The following ATP6V0A1 variants were observed in gnomAD, a reference collection of about 807,000 sequenced individuals.
The protein encoded by ATP6V0A1 is V-type proton ATPase 116 kDa subunit a 1.
Under a neutral mutation model 105.4 loss-of-function variants are expected in ATP6V0A1, and 43 were observed. The observed-to-expected ratio is 0.41, with a 90% CI of 0.32 to 0.53. The LOEUF is 0.53. Ranked by LOEUF, ATP6V0A1 falls within the 20% of genes least tolerant of loss-of-function variation. The probability of loss-of-function intolerance (pLI) is 0.30; values close to 1 mark genes in which losing one functional copy is unlikely to be tolerated. For missense variants in ATP6V0A1, 676 were observed against 1,051.1 expected (o/e 0.64, Z 4.93); for synonymous variants, 362 against 372.8 (o/e 0.97, Z 0.33).
intron 19 of ATP6V0A1, chr17:42,513,543 G>T: frequency 3.7e-6 from 1 of 269,308 alleles, no homozygotes; most frequent in Non-Finnish European, 7.2e-6. Flanking sequence ...TGAGCACAGA[G>T]CCCCAGAGGG....
chr17:42,518,187 G>T (rs2092704189), intron 21 of ATP6V0A1: 1 of 152,234 alleles, frequency 6.6e-6, no homozygotes, highest in Non-Finnish European at 1.5e-5. Flanking sequence ...TTGCCCCAGG[G>T]CATACCTTCC....
chr17:42,514,509 C>A, intron 21 of ATP6V0A1, 49 bp downstream of exon 21: 1 of 1,502,026 alleles, frequency 6.7e-7, no homozygotes, highest in Non-Finnish European at 8.9e-7. Flanking sequence ...GTGTCCTTAG[C>A]TGCGGTGAGA....
intron 10 of ATP6V0A1, among the ~76,000 whole-genome samples, chr17:42,488,919 G>A (rs2090364913): frequency 2.0e-5 from 3 of 150,338 alleles, no homozygotes; most frequent in Middle Eastern, 3.4e-3. Context: ...GGAGGCTGAG[G>A]CAGGAGAACC....
intron 8 of ATP6V0A1, chr17:42,481,109 G>C (rs2089446829): frequency 6.2e-6 from 1 of 161,976 alleles, no homozygotes; most frequent in Non-Finnish European, 1.3e-5. Context: ...TCTTTGTAGA[G>C]ACGGGGTTTT....
At chr17:42,497,689 A>G (rs1232184168) in intron 14 of ATP6V0A1, among the ~76,000 whole-genome samples, 3 of 151,298 alleles carry the variant, frequency 2.0e-5, no homozygotes, top group East Asian at 1.9e-4. Flanking sequence ...AAAAAAAAAA[A>G]AGAAATCATT....
At chr17:42,484,710 T>C (rs1012395453) in intron 9 of ATP6V0A1, among the ~76,000 whole-genome samples, 8 of 152,160 alleles carry the variant, frequency 5.3e-5, no homozygotes, top group African/African-American at 1.9e-4. Flanking sequence ...TTGTTCCCTT[T>C]GAAAGAATGA....
chr17:42,495,680 A>G lies in ATP6V0A1; in HGVS notation c.1524A>G (p.Gly508=). The change falls in exon 14 of 22, where the codon GGA becomes GGG. Residue 508 remains glycine, a synonymous_variant. Transcript: ENST00000343619. ...TACAGCTGAACCCAGCCCTCCCTGG[A>G]GTGTTTGGTGGACCATACCCTTTTG... ...PVLQLNPALP[G]VFGGPYPFGI... 2 of 1,614,058 alleles carry G rather than the reference A, an allele frequency of 1.2e-6. No individual in the cohort carries two copies. Among genetic ancestry groups the G allele is most frequent in the Admixed American group, 3.3e-5 (2 of 60,010 alleles).
chr17:42,478,713 T>A, intron 7 of ATP6V0A1, 124 bp downstream of exon 7: 1 of 1,084,404 alleles, frequency 9.2e-7, no homozygotes, highest in African/African-American at 1.6e-5. Flanking sequence ...ATCTCTGCTC[T>A]AATTGGAGAA....
intron 11 of ATP6V0A1, among the ~76,000 whole-genome samples, chr17:42,492,647 C>T (rs1448692253): frequency 6.8e-6 from 1 of 146,086 alleles, no homozygotes; most frequent in African/African-American, 2.6e-5. Context: ...CGGAGGTTGC[C>T]GTGAGCCGAT....
At chr17:42,467,208 A>G (rs1470926579) in intron 3 of ATP6V0A1, among the ~76,000 whole-genome samples, 2 of 152,202 alleles carry the variant, frequency 1.3e-5, no homozygotes, top group African/African-American at 4.8e-5. Context: ...TAGGTTGCTC[A>G]TATACATTAC....
At chr17:42,480,908 C>T (rs570241386) in intron 8 of ATP6V0A1, 159 bp downstream of exon 8, 1 of 594,780 alleles carries the variant, frequency 1.7e-6, no homozygotes, top group African/African-American at 1.9e-5. Flanking sequence ...AAATAGCCTG[C>T]ATTCATTTTT....
chr17:42,507,710 C>A (rs1166950102), intron 18 of ATP6V0A1, 83 bp downstream of exon 18: 1 of 1,116,518 alleles, frequency 9.0e-7, no homozygotes, highest in South Asian at 1.2e-5. Flanking sequence ...TCACTCCAGT[C>A]TTCTCCTTGA....
chr17:42,462,837 T>C lies in ATP6V0A1; in HGVS notation c.117+1826T>C, dbSNP rs112596025. 5.3e-3 allele frequency among the ~76,000 whole-genome samples: 801 copies of C among 152,058 alleles called. 9 individuals are homozygous for C. The highest frequency in any genetic ancestry group is 0.018 in the African/African-American group (742 of 41,494). ...CATGTTACCCAGGTTGGTCTTGAAC[T>C]CCTGGACTCAAGCGGTTCTCCTGCC... On this transcript the variant is annotated intron_variant, in intron 2 of 21. Transcript: ENST00000343619.
intron 11 of ATP6V0A1, among the ~76,000 whole-genome samples, chr17:42,493,942 T>C (rs1228584209): frequency 6.6e-6 from 1 of 152,100 alleles, no homozygotes; most frequent in Non-Finnish European, 1.5e-5. Flanking sequence ...TCACCTTATA[T>C]TGATCTTAAG....
At chr17:42,505,674 T>C (rs2091975238) in intron 17 of ATP6V0A1, among the ~76,000 whole-genome samples, 1 of 152,218 alleles carries the variant, frequency 6.6e-6, no homozygotes, top group South Asian at 2.1e-4. Context: ...TAGCATTCCA[T>C]AGAATATTCC....
intron 11 of ATP6V0A1, among the ~76,000 whole-genome samples, chr17:42,494,021 AT>A (rs1277959989): frequency 9.2e-5 from 14 of 152,176 alleles, no homozygotes; most frequent in Non-Finnish European, 2.1e-4. Flanking sequence ...AGGCAGGTGG[AT>A]CACTTGAGGT....
intron 5 of ATP6V0A1, among the ~76,000 whole-genome samples, chr17:42,473,992 GTTT>G (rs2088357238): frequency 6.6e-6 from 1 of 150,848 alleles, no homozygotes. Context: ...TGCTGGGGTT[GTTT>G]TCCCTCTCCT....
intron 14 of ATP6V0A1, among the ~76,000 whole-genome samples, chr17:42,498,097 A>G (rs999813610): frequency 6.6e-6 from 1 of 152,118 alleles, no homozygotes; most frequent in Non-Finnish European, 1.5e-5. Context: ...CTAAAAATAC[A>G]AAATTAGCTG....
In ATP6V0A1 at chr17:42,490,433, C is replaced by T. The variant is rs2090517550; in HGVS notation, c.1024-54C>T. The stretch of plus-strand genomic sequence containing the variant: ...CAAGAAATGTACACCTGTGTAACCA[C>T]TACCACAATTAGGAGGATAACCTAA... On this transcript the variant is annotated intron_variant, in intron 10 of 21. Transcript: ENST00000343619. 6.6e-6 allele frequency: 10 copies of T among 1,505,800 alleles called. No individual in the cohort carries two copies. In the South Asian group the frequency reaches 1.2e-4, roughly 19 times the overall value. 93.3% of individuals were successfully genotyped at this position (1,505,800 alleles called of 1,614,324 possible). A position where few individuals can be genotyped will look rare whatever the true frequency, so the allele number is the denominator to read the frequency against.
Sources: gnomAD v4.1 joint callset for allele counts (sites outside exome capture counted in the v4.1 genomes callset) on GRCh38, gnomAD v4.1.1 for gene constraint, MANE v1.5 for transcripts, NCBI Gene and HGNC (gene_info 2026-07-23, HGNC 2026-07-21) for gene names.